PGBD5: variants seen among roughly 807,000 people sequenced by gnomAD.
PGBD5 encodes piggyBac transposable element derived 5.
In PGBD5, 14 loss-of-function variants were observed where a neutral mutation model predicts 47.9. The observed-to-expected ratio is 0.29, with a 90% CI of 0.19 to 0.46. The LOEUF (loss-of-function observed/expected upper bound fraction) is 0.46, where lower values mean the gene tolerates loss of function less well. Among genes scored for constraint, PGBD5 ranks in the 20% least tolerant of loss-of-function variants. The pLI, the probability that PGBD5 is intolerant of heterozygous loss-of-function variation, is 1.00. For synonymous variants in PGBD5, 316 were observed against 306.3 expected, an observed-to-expected ratio of 1.03 and a Z score of -0.33; for missense variants, 635 against 716.0, an observed-to-expected ratio of 0.89 and a Z score of 1.29.
chr1:230,366,845 CG>C (rs1478315890), intron 1 of PGBD5, among the ~76,000 whole-genome samples: 1 of 152,038 alleles, frequency 6.6e-6, no homozygotes, highest in Non-Finnish European at 1.5e-5. Flanking sequence ...CGGGAGCCGA[CG>C]TACAGATGGC....
chr1:230,398,011 T>C (rs1657042130), intron 1 of PGBD5, among the ~76,000 whole-genome samples: 1 of 152,182 alleles, frequency 6.6e-6, no homozygotes, highest in Admixed American at 6.5e-5. Context: ...CCAGATTTAA[T>C]GGGTTACCTT....
At chr1:230,366,469 TTC>T (rs1349716565) in intron 1 of PGBD5, among the ~76,000 whole-genome samples, 1 of 152,150 alleles carries the variant, frequency 6.6e-6, no homozygotes, top group African/African-American at 2.4e-5. Context: ...CTTATTTACC[TTC>T]TGAGACTAAT....
Position 230,357,947 on chromosome 1 carries a change from C to T in PGBD5, c.332-626G>A, listed in dbSNP as rs1384905035. On this transcript the variant is annotated intron_variant, in intron 1 of 6. Transcript: ENST00000391860. This position sits in a 1 kb window ranked among gnomAD's most constrained non-coding sequence, Gnocchi z 5.7. ...GCATGCATATACATACATATATATACACATGCATATATACACATACATACA... is the reference window on the plus strand; with the variant it reads ...GCATGCATATACATACATATATATATACATGCATATATACACATACATACA... 1.3e-5 allele frequency among the ~76,000 whole-genome samples: 2 copies of T among 152,020 alleles called. No homozygotes were observed. Among genetic ancestry groups the T allele is most frequent in the East Asian group, 1.9e-4 (1 of 5,196 alleles).
intron 1 of PGBD5, among the ~76,000 whole-genome samples, chr1:230,382,007 C>CA (rs1367906606): frequency 2.0e-5 from 3 of 148,092 alleles, no homozygotes; most frequent in African/African-American, 8.0e-5. Context: ...TCTGGATTCT[C>CA]AAAGACTTTA....
chr1:230,340,677 T>G (rs1218472325), intron 3 of PGBD5, among the ~76,000 whole-genome samples: 1 of 152,038 alleles, frequency 6.6e-6, no homozygotes, highest in Non-Finnish European at 1.5e-5. Context: ...TGCAGTATCT[T>G]TGGGTCTGAG....
intron 1 of PGBD5, chr1:230,367,837 CG>C (rs1667862926): frequency 1.2e-4 from 13 of 111,738 alleles, no homozygotes; most frequent in South Asian, 9.4e-4. Context: ...AGAGCATTCT[CG>C]CGTCCAATTT....
At chr1:230,419,814 T>C (rs1484504378) in intron 1 of PGBD5, among the ~76,000 whole-genome samples, 3 of 152,140 alleles carry the variant, frequency 2.0e-5, no homozygotes, top group Admixed American at 6.5e-5. Context: ...AAGGAGTAAA[T>C]TGAGGATGTA....
intron 1 of PGBD5, among the ~76,000 whole-genome samples, chr1:230,391,303 A>C (rs1027608889): frequency 1.3e-5 from 2 of 152,214 alleles, no homozygotes; most frequent in Non-Finnish European, 2.9e-5. Flanking sequence ...CATTTAGGAA[A>C]GATTCAGAAA....
At chr1:230,398,714 G>A (rs553928483) in intron 1 of PGBD5, among the ~76,000 whole-genome samples, 8 of 152,286 alleles carry the variant, frequency 5.3e-5, no homozygotes, top group Admixed American at 4.6e-4. Flanking sequence ...AGACCTCTGG[G>A]CTCCTGGCAG....
intron 1 of PGBD5, among the ~76,000 whole-genome samples, chr1:230,368,392 A>G (rs1367059985): frequency 6.6e-6 from 1 of 152,400 alleles, no homozygotes; most frequent in African/African-American, 2.4e-5. Flanking sequence ...AGAGGAAGTC[A>G]GCAGGGATTG....
chr1:230,399,848 C>T (rs1315696021), intron 1 of PGBD5, among the ~76,000 whole-genome samples: 1 of 152,236 alleles, frequency 6.6e-6, no homozygotes, highest in Non-Finnish European at 1.5e-5. Context: ...GGGCAGCCAG[C>T]TGGTCCTAGC....
chr1:230,341,573 T>TG (rs1038912818), intron 3 of PGBD5, among the ~76,000 whole-genome samples: 8 of 152,298 alleles, frequency 5.3e-5, no homozygotes, highest in Admixed American at 4.6e-4. Flanking sequence ...GACACTGGGT[T>TG]GGGTACTTTC....
At chr1:230,417,734 T>C (rs1385708319) in intron 1 of PGBD5, among the ~76,000 whole-genome samples, 2 of 152,196 alleles carry the variant, frequency 1.3e-5, no homozygotes, top group Admixed American at 1.3e-4. Flanking sequence ...AATCCATGTT[T>C]TCCCTGATCA....
At chr1:230,409,629 G>C (rs1263954199) in intron 1 of PGBD5, among the ~76,000 whole-genome samples, 1 of 152,184 alleles carries the variant, frequency 6.6e-6, no homozygotes, top group African/African-American at 2.4e-5. Flanking sequence ...CCATGTATAT[G>C]AAATGTCTAG....
chr1:230,337,099 T>G lies in PGBD5; in HGVS notation c.1075+9A>C, dbSNP rs1454961594. The G allele has an allele frequency of 1.9e-6, 3 of 1,612,056 alleles. No individual in the cohort carries two copies. In the African/African-American group the frequency reaches 4.0e-5, roughly 22 times the overall value. ...GGCCGTATCCTCACTGGCTCCCCAC[T>G]TGACTAACCTTGCTTCTCAAACTCT... On this transcript the variant is annotated intron_variant, in intron 4 of 6. Coordinates refer to ENST00000391860, the MANE Select transcript of PGBD5 (RefSeq NM_001258311.2).
intron 1 of PGBD5, among the ~76,000 whole-genome samples, chr1:230,418,556 GGAGTGCAGTGGTA>G (rs1657576353): frequency 1.3e-5 from 2 of 152,084 alleles, no homozygotes; most frequent in Non-Finnish European, 2.9e-5. Context: ...ACCACAGTCT[GGAGTGCAGTGGTA>G]CAAACACAGC....
chr1:230,406,311 C>CAAAA (rs67577027), intron 1 of PGBD5, among the ~76,000 whole-genome samples: 21 of 54,580 alleles, frequency 3.8e-4, no homozygotes, highest in Non-Finnish European at 6.3e-4. Context: ...GACTCCGTCT[C>CAAAA]AAAAAAAAAA....
At chr1:230,377,443 T>C (rs1397785689) in intron 1 of PGBD5, 2 of 1,570,562 alleles carry the variant, frequency 1.3e-6, no homozygotes, top group Non-Finnish European at 1.7e-6. Context: ...CAATAACACA[T>C]GGATGAAAAG....
In PGBD5 at chr1:230,324,804, T is replaced by C. The variant is rs116965938; in HGVS notation, c.1379+506A>G. On this transcript the variant is annotated intron_variant, in intron 6 of 6. Coordinates refer to ENST00000391860, the MANE Select transcript of PGBD5 (RefSeq NM_001258311.2). ...TATGCTGTGTGTAAACTATGCATAC[T>C]ATGTGTATATTGAACATGAGACCAC... Among the ~76,000 whole-genome samples the C allele has an allele frequency of 3.9e-3, 597 of 152,362 alleles. 8 individuals are homozygous for C. The East Asian group carries it at 0.052, about 13-fold the overall frequency.
Sources: gnomAD v4.1 joint callset for allele counts (sites outside exome capture counted in the v4.1 genomes callset) on GRCh38, gnomAD v4.1.1 for gene constraint, Gnocchi (gnomAD v3.1) non-coding constraint, MANE v1.5 for transcripts, NCBI Gene and HGNC (gene_info 2026-07-23, HGNC 2026-07-21) for gene names.